The following CD44 variants were observed in gnomAD, a reference collection of about 807,000 sequenced individuals.
CD44 encodes the protein CD44 antigen.
Under a neutral mutation model 88.8 loss-of-function variants are expected in CD44, and 49 were observed. The ratio of observed to expected loss-of-function variants is 0.55; its 90% CI spans 0.44 to 0.70. The LOEUF (loss-of-function observed/expected upper bound fraction) is 0.70, where lower values mean the gene tolerates loss of function less well. CD44 is among the 30% of genes least tolerant of loss of function. CD44 has a pLI of 0.00. For synonymous variants in CD44, 325 were observed against 312.3 expected (o/e 1.04, Z -0.43); for missense variants, 883 against 913.8 (o/e 0.97, Z 0.43).
At chr11:35,162,315 T>C (rs1942726746) in intron 1 of CD44, among the ~76,000 whole-genome samples, 1 of 152,198 alleles carries the variant, frequency 6.6e-6, no homozygotes, top group South Asian at 2.1e-4. Flanking sequence ...GAATGGGCTT[T>C]TGCGAGGTAT....
At chr11:35,142,244 C>T (rs1226763435) in intron 1 of CD44, among the ~76,000 whole-genome samples, 3 of 151,654 alleles carry the variant, frequency 2.0e-5, no homozygotes, top group East Asian at 1.9e-4. Flanking sequence ...GTCAGTGTGG[C>T]GATTCCTCAG....
intron 15 of CD44, among the ~76,000 whole-genome samples, chr11:35,215,210 T>TGCATCTGAAAGCCTC (rs1268966794): frequency 2.0e-5 from 3 of 152,218 alleles, no homozygotes; most frequent in Admixed American, 2.0e-4. Context: ...AGGAAAGCCT[T>TGCATCTGAAAGCCTC]GCATCTGAAA....
At chr11:35,164,089 G>C (rs1179528614) in intron 1 of CD44, among the ~76,000 whole-genome samples, 1 of 152,066 alleles carries the variant, frequency 6.6e-6, no homozygotes, top group Non-Finnish European at 1.5e-5. Flanking sequence ...AACCCAGCTG[G>C]GGGCTCAGCA....
intron 1 of CD44, among the ~76,000 whole-genome samples, chr11:35,149,961 T>C (rs1218781594): frequency 6.6e-6 from 1 of 152,178 alleles, no homozygotes; most frequent in African/African-American, 2.4e-5. Flanking sequence ...ATGAAGCAGC[T>C]CTGGCCAGAG....
At chr11:35,192,274 G>A (rs1946337479) in intron 5 of CD44, among the ~76,000 whole-genome samples, 1 of 152,238 alleles carries the variant, frequency 6.6e-6, no homozygotes, top group South Asian at 2.1e-4. Context: ...GCAGCTCCAA[G>A]TGGATCACTT....
At chr11:35,156,690 G>T (rs948619337) in intron 1 of CD44, among the ~76,000 whole-genome samples, 2 of 152,152 alleles carry the variant, frequency 1.3e-5, no homozygotes, top group South Asian at 4.1e-4. Flanking sequence ...CACTGAGCTT[G>T]GCTCCAACTA....
At chr11:35,182,353 T>G (rs996937628) in intron 3 of CD44, among the ~76,000 whole-genome samples, 28 of 152,000 alleles carry the variant, frequency 1.8e-4, no homozygotes, top group African/African-American at 6.5e-4. Flanking sequence ...GGCTGGCTAG[T>G]TGAAATGGAG....
chr11:35,158,355 C>T (rs138257122), intron 1 of CD44, among the ~76,000 whole-genome samples: 56 of 152,230 alleles, frequency 3.7e-4, no homozygotes, highest in African/African-American at 1.3e-3. Context: ...CTTAGAAAGC[C>T]GTATGAATTG....
intron 5 of CD44, chr11:35,190,454 G>C (rs1306455071): frequency 8.7e-6 from 2 of 230,314 alleles, no homozygotes; most frequent in African/African-American, 4.5e-5. Context: ...TTTTCATAAA[G>C]TTGGGATCAT....
chr11:35,209,850 C>A, intron 12 of CD44, 115 bp from the exon 13 acceptor site: 2 of 655,574 alleles, frequency 3.1e-6, no homozygotes. Flanking sequence ...AAACCTTGGT[C>A]TTCCTATGCA....
At chr11:35,222,456 A>G (rs1003748106) in intron 17 of CD44, 20 of 1,259,816 alleles carry the variant, frequency 1.6e-5, no homozygotes, top group Non-Finnish European at 2.1e-5. Flanking sequence ...AGCAGAGAAG[A>G]ACTTTCCTTT....
At chr11:35,151,539 C>T (rs968955395) in intron 1 of CD44, among the ~76,000 whole-genome samples, 3 of 152,164 alleles carry the variant, frequency 2.0e-5, no homozygotes, top group Admixed American at 2.0e-4. Flanking sequence ...CTCCTAGAGG[C>T]TTCCCAAAAT....
chr11:35,149,475 A>G (rs1482401059), intron 1 of CD44, among the ~76,000 whole-genome samples: 1 of 152,264 alleles, frequency 6.6e-6, no homozygotes, highest in East Asian at 1.9e-4. Flanking sequence ...AACAATACTT[A>G]GCACGTAATT....
intron 10 of CD44, chr11:35,205,808 G>A (rs1161283110): frequency 1.9e-6 from 2 of 1,025,762 alleles, no homozygotes; most frequent in Non-Finnish European, 2.3e-6. Flanking sequence ...CATGGCATGG[G>A]TCAAGAAGTA....
intron 1 of CD44, among the ~76,000 whole-genome samples, chr11:35,166,328 A>G (rs1384695040): frequency 6.6e-6 from 1 of 151,932 alleles, no homozygotes; most frequent in Non-Finnish European, 1.5e-5. Context: ...GCAGTGAAGC[A>G]ACAGTTCTGG....
Position 35,229,177 on chromosome 11 carries a change from G to T in CD44, c.2073G>T (p.Val691=). 6.2e-7 allele frequency: 1 copy of T among 1,614,064 alleles called. No homozygotes were observed. The highest frequency in any genetic ancestry group is 1.7e-5 in the Admixed American group (1 of 60,016). The stretch of plus-strand genomic sequence containing the variant: ...TGATCAACAGTGGCAATGGAGCTGT[G>T]GAGGACAGAAAGCCAAGTGGACTCA... ...KLVINSGNGA[V]EDRKPSGLNG... is the part of the protein sequence containing the mutation. The change falls in exon 18 of 18, where the codon GTG becomes GTT. Residue 691 remains valine, a synonymous_variant. Transcript: ENST00000428726.
intron 1 of CD44, among the ~76,000 whole-genome samples, chr11:35,157,457 C>G (rs1942053242): frequency 6.6e-6 from 1 of 151,990 alleles, no homozygotes; most frequent in Non-Finnish European, 1.5e-5. Flanking sequence ...CTATTTATAT[C>G]TATCATCTAT....
chr11:35,199,479 A>G (rs1365211715), intron 7 of CD44, among the ~76,000 whole-genome samples: 1 of 152,124 alleles, frequency 6.6e-6, no homozygotes, highest in African/African-American at 2.4e-5. Context: ...AGCTCTCCCA[A>G]TTCACTGAAG....
intron 1 of CD44, among the ~76,000 whole-genome samples, chr11:35,155,738 A>G (rs1414800238): frequency 6.6e-6 from 1 of 152,218 alleles, no homozygotes; most frequent in Non-Finnish European, 1.5e-5. Flanking sequence ...CCGCTGCTCT[A>G]GAGTCATCCA....
Sources: gnomAD v4.1 joint callset for allele counts (sites outside exome capture counted in the v4.1 genomes callset) on GRCh38, gnomAD v4.1.1 for gene constraint, MANE v1.5 for transcripts, NCBI Gene and HGNC (gene_info 2026-07-23, HGNC 2026-07-21) for gene names.